Variants in ARHGAP15 observed in about 807,000 individuals in gnomAD.
ARHGAP15 encodes the protein Rho GTPase activating protein 15, also known as rho GTPase-activating protein 15.
In ARHGAP15, 51 loss-of-function variants were observed where a neutral mutation model predicts 63.7. The ratio of observed to expected loss-of-function variants is 0.80; its 90% confidence interval spans 0.64 to 1.01. The LOEUF (loss-of-function observed/expected upper bound fraction) is 1.01, where lower values mean the gene tolerates loss of function less well. ARHGAP15 is among the 50% of genes least tolerant of loss of function. The pLI, the probability that ARHGAP15 is intolerant of heterozygous loss-of-function variation, is 0.00. For missense variants in ARHGAP15, 560 were observed against 564.6 expected (o/e 0.99, Z 0.08); for synonymous variants, 191 against 193.8 (o/e 0.99, Z 0.12).
chr2:143,252,800 C>T (rs1680223124), intron 6 of ARHGAP15, among the ~76,000 whole-genome samples: 1 of 151,900 alleles, frequency 6.6e-6, no homozygotes, highest in African/African-American at 2.4e-5. Context: ...GTTCTGTTAA[C>T]AAAAAAGCGT....
chr2:143,350,424 A>G (rs1381041551), intron 6 of ARHGAP15, among the ~76,000 whole-genome samples: 1 of 152,182 alleles, frequency 6.6e-6, no homozygotes, highest in Non-Finnish European at 1.5e-5. Flanking sequence ...TTCAGAATGG[A>G]CCATAACTAG....
At chr2:143,715,203 A>G (rs886707820) in intron 13 of ARHGAP15, among the ~76,000 whole-genome samples, 2 of 152,194 alleles carry the variant, frequency 1.3e-5, no homozygotes, top group African/African-American at 4.8e-5. Flanking sequence ...GGAAGATGCA[A>G]ACACAGAAAC....
intron 1 of ARHGAP15, among the ~76,000 whole-genome samples, chr2:143,153,604 A>G (rs1391325209): frequency 3.3e-5 from 5 of 151,938 alleles, no homozygotes; most frequent in Non-Finnish European, 5.9e-5. Context: ...GTAAATGCCT[A>G]TGAAACCAAC....
intron 6 of ARHGAP15, among the ~76,000 whole-genome samples, chr2:143,379,621 GA>G (rs1191195628): frequency 6.6e-6 from 1 of 151,378 alleles, no homozygotes; most frequent in Non-Finnish European, 1.5e-5. Context: ...TTTCTAATGT[GA>G]ACTTTCATTG....
intron 6 of ARHGAP15, among the ~76,000 whole-genome samples, chr2:143,338,044 T>C (rs888469054): frequency 6.6e-6 from 1 of 152,302 alleles, no homozygotes; most frequent in Non-Finnish European, 1.5e-5. Context: ...TACTGAGCCC[T>C]TAAGATATGG....
chr2:143,403,195 A>AT (rs1028106980), intron 6 of ARHGAP15, among the ~76,000 whole-genome samples: 2 of 151,786 alleles, frequency 1.3e-5, no homozygotes, highest in Non-Finnish European at 2.9e-5. Context: ...AATTGTAATT[A>AT]TTTTTTATTT....
At chr2:143,328,108 G>C (rs939035268) in intron 6 of ARHGAP15, among the ~76,000 whole-genome samples, 2 of 152,180 alleles carry the variant, frequency 1.3e-5, no homozygotes, top group African/African-American at 4.8e-5. Flanking sequence ...TGCTGGAGAG[G>C]ATGTGGAGAA....
intron 3 of ARHGAP15, among the ~76,000 whole-genome samples, chr2:143,207,398 T>G (rs995750244): frequency 2.0e-5 from 3 of 152,020 alleles, no homozygotes; most frequent in African/African-American, 7.2e-5. Context: ...TTTTTTACCT[T>G]GCAATTTATC....
At chr2:143,534,580 A>G (rs986883451) in intron 10 of ARHGAP15, among the ~76,000 whole-genome samples, 1 of 152,104 alleles carries the variant, frequency 6.6e-6, no homozygotes, top group African/African-American at 2.4e-5. Context: ...AATCTATAGA[A>G]AAAAAGACCT....
intron 13 of ARHGAP15, among the ~76,000 whole-genome samples, chr2:143,764,208 C>T (rs1225568627): frequency 6.6e-6 from 1 of 152,022 alleles, no homozygotes; most frequent in East Asian, 1.9e-4. Flanking sequence ...GAACATTTTT[C>T]CACAGGAAAT....
chr2:143,692,933 T>C (rs1683676379), intron 12 of ARHGAP15, among the ~76,000 whole-genome samples: 3 of 152,172 alleles, frequency 2.0e-5, no homozygotes, highest in South Asian at 4.1e-4. Flanking sequence ...GATATTTTTT[T>C]CCCCTTCAAG....
rs140756714 is a variant in ARHGAP15 at position 143,645,878 on chromosome 2, C to A, written c.1138+21611C>A. Among the ~76,000 whole-genome samples the A allele has an allele frequency of 8.5e-5, 13 of 152,104 alleles. No homozygotes were observed. In the East Asian group the frequency reaches 2.3e-3, roughly 27 times the overall value. ...AATCTCTCTTGCAGAATCTCTTTGG[C>A]CAAGTTTTTGCAAAATGTTCAAGAT... On this transcript the variant is annotated intron_variant, in intron 12 of 13. Coordinates refer to ENST00000295095, the MANE Select transcript of ARHGAP15 (RefSeq NM_018460.4).
chr2:143,413,966 T>TGTGTGTGTGCGCACGCGCGCGC lies in ARHGAP15; in HGVS notation c.475-21634_475-21633insTGTGTGTGCGCACGCGCGCGCG. Among the ~76,000 whole-genome samples, 8 of 117,910 alleles carry TGTGTGTGTGCGCACGCGCGCGC rather than the reference T, an allele frequency of 6.8e-5. 2 individuals are homozygous for TGTGTGTGTGCGCACGCGCGCGC. Among genetic ancestry groups the TGTGTGTGTGCGCACGCGCGCGC allele is most frequent in the African/African-American group, 2.8e-4 (8 of 28,188 alleles). The allele number at this position is 117,910 out of a possible 152,430, so 77.4% of individuals were successfully genotyped here. On this transcript the variant is annotated intron_variant, in intron 6 of 13. Transcript: ENST00000295095. Reference sequence around the variant, plus strand: ...GTGTGTGTGTGTGTGTGTGTGTGTGTGCGCGCTCTCTGGCAGAAAGTTAAT... The same window carrying TGTGTGTGTGCGCACGCGCGCGC: ...GTGTGTGTGTGTGTGTGTGTGTGTGTGTGTGTGTGCGCACGCGCGCGCGCGCGCTCTCTGGCAGAAAGTTAAT...
At position 143,393,459 on chromosome 2, in the gene ARHGAP15, C is replaced by T. The variant is rs535561844; in HGVS notation, c.475-42142C>T. 8.5e-5 allele frequency among the ~76,000 whole-genome samples: 13 copies of T among 152,052 alleles called. No individual in the cohort carries two copies. In the South Asian group the frequency reaches 2.7e-3, roughly 32 times the overall value. On this transcript the variant is annotated intron_variant, in intron 6 of 13. Coordinates refer to ENST00000295095, the MANE Select transcript of ARHGAP15 (RefSeq NM_018460.4). ...CTTAAGAAATCTAAAGTGAGCTGGG[C>T]ACGGTGGCTCATGCCTGTAATCCCA...
chr2:143,356,715 G>A (rs1685825171), intron 6 of ARHGAP15, among the ~76,000 whole-genome samples: 2 of 152,042 alleles, frequency 1.3e-5, no homozygotes, highest in African/African-American at 2.4e-5. Flanking sequence ...AATTACTAAT[G>A]CAGTTACTGA....
intron 12 of ARHGAP15, among the ~76,000 whole-genome samples, chr2:143,678,978 C>A (rs1682962250): frequency 6.6e-6 from 1 of 152,080 alleles, no homozygotes. Flanking sequence ...TTAAATTTGT[C>A]TCTTATGCCA....
At chr2:143,133,421 C>A (rs1309206197) in intron 1 of ARHGAP15, among the ~76,000 whole-genome samples, 1 of 152,144 alleles carries the variant, frequency 6.6e-6, no homozygotes, top group Admixed American at 6.5e-5. Context: ...AATTGGATGT[C>A]CACACTTTTA....
chr2:143,686,946 A>G (rs1261812701), intron 12 of ARHGAP15, among the ~76,000 whole-genome samples: 2 of 152,344 alleles, frequency 1.3e-5, no homozygotes, highest in East Asian at 3.9e-4. Flanking sequence ...GGGAGCTATC[A>G]ATGTTAATTC....
At chr2:143,715,634 T>C (rs2105450571) in intron 13 of ARHGAP15, among the ~76,000 whole-genome samples, 1 of 152,358 alleles carries the variant, frequency 6.6e-6, no homozygotes, top group South Asian at 2.1e-4. Context: ...CTTTGTCAGA[T>C]GCAGAGATTG....
Sources: allele counts gnomAD v4.1 joint callset (sites outside exome capture counted in the v4.1 genomes callset), GRCh38; gene constraint gnomAD v4.1.1; transcripts MANE v1.5; gene names NCBI Gene and HGNC (gene_info 2026-07-23, HGNC 2026-07-21).